The following BRINP3 variants were observed in gnomAD, a reference collection of about 807,000 sequenced individuals.
BRINP3 encodes the protein BMP/retinoic acid inducible neural specific 3.
A neutral mutation model predicts 71.0 loss-of-function variants in BRINP3; 19 were observed. The ratio of observed to expected loss-of-function variants is 0.27; its 90% CI spans 0.19 to 0.39. The LOEUF is 0.39. Ranked by LOEUF, BRINP3 falls within the 10% of genes least tolerant of loss-of-function variation. BRINP3 has a pLI of 1.00. For missense variants in BRINP3, 959 were observed against 940.8 expected, an observed-to-expected ratio of 1.02 and a Z score of -0.25; for synonymous variants, 380 against 337.7, an observed-to-expected ratio of 1.13 and a Z score of -1.37.
chr1:190,447,169 T>A (rs1250418757), intron 2 of BRINP3, among the ~76,000 whole-genome samples: 1 of 151,300 alleles, frequency 6.6e-6, no homozygotes, highest in Non-Finnish European at 1.5e-5. Flanking sequence ...TAGGAGTAAG[T>A]AAGATAACAT....
At chr1:190,360,416 A>G (rs183712638) in intron 2 of BRINP3, among the ~76,000 whole-genome samples, 1 of 152,322 alleles carries the variant, frequency 6.6e-6, no homozygotes, top group Admixed American at 6.5e-5. Flanking sequence ...AGATTTGCCT[A>G]GGAAAATTGT....
Position 190,368,429 on chromosome 1 carries a change from C to T in BRINP3, c.236+86226G>A, listed in dbSNP as rs113104857. On this transcript the variant is annotated intron_variant, in intron 2 of 7. Transcript: ENST00000367462. ...TTGCAGGCCTCCATAACAACTGTTT[C>T]AGTAGTGACTGAGTGGTTAAGTTAA... is the stretch of plus-strand genomic sequence containing the variant. Among the ~76,000 whole-genome samples, 780 of 152,180 alleles carry T rather than the reference C, an allele frequency of 5.1e-3. 7 individuals are homozygous for T. The highest frequency in any genetic ancestry group is 0.018 in the African/African-American group (732 of 41,520).
intron 2 of BRINP3, among the ~76,000 whole-genome samples, chr1:190,347,287 C>T (rs1050267298): frequency 6.6e-6 from 1 of 151,962 alleles, no homozygotes; most frequent in African/African-American, 2.4e-5. Context: ...ACTTCAGGTG[C>T]GTGCCACCAC....
intron 4 of BRINP3, among the ~76,000 whole-genome samples, chr1:190,243,339 C>A (rs1347397637): frequency 1.3e-5 from 2 of 150,916 alleles, no homozygotes; most frequent in African/African-American, 4.9e-5. Context: ...GTTATTTTGA[C>A]TTTTTTTTTA....
intron 6 of BRINP3, among the ~76,000 whole-genome samples, chr1:190,199,771 G>GAAAAAA (rs35752025): frequency 1.6e-5 from 2 of 123,476 alleles, no homozygotes; most frequent in Non-Finnish European, 3.5e-5. Flanking sequence ...CAAGGCATAG[G>GAAAAAA]AAAAAAAAAA....
intron 7 of BRINP3, among the ~76,000 whole-genome samples, chr1:190,152,532 C>T (rs12754363): frequency 1.5e-4 from 2 of 13,376 alleles, no homozygotes; most frequent in African/African-American, 1.9e-3. Flanking sequence ...TCTCCCCCAA[C>T]CCCCCCCCCG....
At chr1:190,194,067 T>C (rs893392207) in intron 6 of BRINP3, among the ~76,000 whole-genome samples, 4 of 152,096 alleles carry the variant, frequency 2.6e-5, no homozygotes, top group African/African-American at 9.7e-5. Flanking sequence ...TTCAAAGCAA[T>C]TTTTTTCCTT....
intron 2 of BRINP3, among the ~76,000 whole-genome samples, chr1:190,412,565 C>T (rs1672758727): frequency 6.8e-6 from 1 of 147,592 alleles, no homozygotes; most frequent in Non-Finnish European, 1.5e-5. Flanking sequence ...CGGGTTCACG[C>T]CATTCTCCTG....
chr1:190,367,240 A>G (rs1281286861), intron 2 of BRINP3, among the ~76,000 whole-genome samples: 1 of 152,164 alleles, frequency 6.6e-6, no homozygotes, highest in Non-Finnish European at 1.5e-5. Flanking sequence ...CTCAACATCA[A>G]TTATTTACTT....
At chr1:190,364,260 T>G (rs1669342949) in intron 2 of BRINP3, among the ~76,000 whole-genome samples, 1 of 152,148 alleles carries the variant, frequency 6.6e-6, no homozygotes, top group South Asian at 2.1e-4. Flanking sequence ...TTTCCAGAGA[T>G]ATCTCTAGTA....
intron 2 of BRINP3, among the ~76,000 whole-genome samples, chr1:190,286,957 G>A (rs1663472324): frequency 6.6e-6 from 1 of 151,960 alleles, no homozygotes; most frequent in Non-Finnish European, 1.5e-5. Context: ...AGTGGCTCAT[G>A]CCTGTAATCC....
chr1:190,218,553 C>A (rs1420355994), intron 6 of BRINP3, among the ~76,000 whole-genome samples: 1 of 151,952 alleles, frequency 6.6e-6, no homozygotes, highest in East Asian at 1.9e-4. Context: ...ATATCTACCA[C>A]CTCAAATACT....
At chr1:190,464,577 T>C (rs1300453877) in intron 1 of BRINP3, among the ~76,000 whole-genome samples, 3 of 152,008 alleles carry the variant, frequency 2.0e-5, no homozygotes, top group Non-Finnish European at 4.4e-5. Context: ...TGAAATGAAC[T>C]CCTGTTTATT....
intron 2 of BRINP3, among the ~76,000 whole-genome samples, chr1:190,335,202 G>T (rs1667210328): frequency 6.6e-6 from 1 of 151,782 alleles, no homozygotes; most frequent in African/African-American, 2.4e-5. Flanking sequence ...AGGCTGAAGT[G>T]AAAATAGAAG....
chr1:190,301,178 T>TATATGTATATATATACATATATAC (rs1664669142), intron 2 of BRINP3, among the ~76,000 whole-genome samples: 1 of 41,460 alleles, frequency 2.4e-5, no homozygotes, highest in Non-Finnish European at 6.8e-5. Flanking sequence ...TATATATACA[T>TATATGTATATATATACATATATAC]ATATATATGT....
chr1:190,255,249 T>C (rs915323274), intron 4 of BRINP3, among the ~76,000 whole-genome samples: 2 of 151,750 alleles, frequency 1.3e-5, no homozygotes, highest in African/African-American at 4.8e-5. Context: ...TTTTTTTTTT[T>C]TTGTTGTGTC....
intron 7 of BRINP3, among the ~76,000 whole-genome samples, chr1:190,144,970 T>C (rs1465787064): frequency 1.3e-5 from 2 of 152,194 alleles, no homozygotes; most frequent in South Asian, 2.1e-4. Context: ...ACAGTCTTGT[T>C]TAAAATTGTA....
chr1:190,166,369 C>G (rs1328986624), intron 6 of BRINP3, among the ~76,000 whole-genome samples: 1 of 152,134 alleles, frequency 6.6e-6, no homozygotes, highest in Non-Finnish European at 1.5e-5. Context: ...TAAAGCATTT[C>G]AATACATCAA....
intron 2 of BRINP3, among the ~76,000 whole-genome samples, chr1:190,441,096 T>C (rs922042168): frequency 3.9e-5 from 6 of 151,900 alleles, no homozygotes; most frequent in Non-Finnish European, 7.4e-5. Context: ...TTGAATGTTA[T>C]GGCAACATTT....
Sources: allele counts gnomAD v4.1 joint callset (sites outside exome capture counted in the v4.1 genomes callset), GRCh38; gene constraint gnomAD v4.1.1; transcripts MANE v1.5; gene names NCBI Gene and HGNC (gene_info 2026-07-23, HGNC 2026-07-21).